Variants in ORAI2 observed in about 807,000 individuals in gnomAD.
ORAI2 encodes protein orai-2.
In ORAI2, 10 loss-of-function variants were observed where a neutral mutation model predicts 16.2. The ratio of observed to expected loss-of-function variants is 0.62; its 90% CI spans 0.38 to 1.04. The LOEUF is 1.04. Among genes scored for constraint, ORAI2 ranks in the 50% least tolerant of loss-of-function variants. ORAI2 has a pLI of 0.01. For missense variants in ORAI2, 238 were observed against 355.5 expected (o/e 0.67, Z 2.66); for synonymous variants, 150 against 157.5 (o/e 0.95, Z 0.35).
chr7:102,436,330 C>A lies in ORAI2; in HGVS notation c.-17C>A. The A allele has an allele frequency of 1.0e-6, 1 of 985,484 alleles. No homozygotes were observed. Among genetic ancestry groups the A allele is most frequent in the Non-Finnish European group, 1.2e-6 (1 of 829,954 alleles). 61.0% of individuals were successfully genotyped at this position (985,484 alleles called of 1,614,324 possible). ...CCTGAGTTGGCATTCGTATAAATGA[C>A]CTGGTAATTGGCATCCCCTGGCAGA... On this transcript the variant is annotated 5_prime_UTR_variant, in exon 2 of 4. Transcript: ENST00000495936.
At position 102,454,204 on chromosome 7, in the gene ORAI2, G is replaced by C. The variant is rs1226217581; in HGVS notation, c.*7152G>C. The stretch of plus-strand genomic sequence containing the variant: ...GAGCCAAGGAGTTCGAGACCAGCCT[G>C]GGCAACATTACGAGACCCTGTCTCT... On this transcript the variant is annotated 3_prime_UTR_variant, in exon 4 of 4. Transcript: ENST00000495936. 6.6e-6 allele frequency: 1 copy of C among 152,168 alleles called. No individual in the cohort carries two copies. Among genetic ancestry groups the C allele is most frequent in the Admixed American group, 6.6e-5 (1 of 15,262 alleles). The allele number at this position is 152,168 out of a possible 1,614,324, so 9.4% of individuals were successfully genotyped here.
At position 102,456,756 on chromosome 7, in the gene ORAI2, G is replaced by A. The variant is rs1797659802; in HGVS notation, c.*9704G>A. On this transcript the variant is annotated 3_prime_UTR_variant, in exon 4 of 4. Coordinates refer to ENST00000495936, the MANE Select transcript of ORAI2 (RefSeq NM_001126340.3). ...AATCCAACACATTCCCCAAATGAAGGGACTGGACAGTGAGATATCGGGAAA... is the reference window on the plus strand; with the variant it reads ...AATCCAACACATTCCCCAAATGAAGAGACTGGACAGTGAGATATCGGGAAA... The A allele has an allele frequency of 6.6e-6, 1 of 152,114 alleles. No individual in the cohort carries two copies. Among genetic ancestry groups the A allele is most frequent in the South Asian group, 2.1e-4 (1 of 4,828 alleles). The allele number at this position is 152,114 out of a possible 1,614,324, so 9.4% of individuals were successfully genotyped here.
rs1797644778 is a variant in ORAI2, at chr7:102,456,331, T to C, written c.*9279T>C. The C allele has an allele frequency of 6.5e-6, 1 of 152,732 alleles. No homozygotes were observed. The highest frequency in any genetic ancestry group is 2.4e-5 in the African/African-American group (1 of 41,404). 9.5% of individuals were successfully genotyped at this position (152,732 alleles called of 1,614,324 possible). A position where few individuals can be genotyped will look rare whatever the true frequency, so the allele number is the denominator to read the frequency against. On this transcript the variant is annotated 3_prime_UTR_variant, in exon 4 of 4. Coordinates refer to ENST00000495936, the MANE Select transcript of ORAI2 (RefSeq NM_001126340.3). ...TATGATCATGAGCTCACTGCAGCCT[T>C]GACATGGTGGTAAAGCCATCCTCCC...
At chr7:102,439,246 A>T (rs1324210424) in intron 3 of ORAI2, 65 bp downstream of exon 3, 1 of 1,392,956 alleles carries the variant, frequency 7.2e-7, no homozygotes, top group East Asian at 2.4e-5. Flanking sequence ...AGGTCCCGGG[A>T]TGCCTCAGGG....
rs1772129874 is a variant in ORAI2 at position 102,456,547 on chromosome 7, T to G, written c.*9495T>G. 6.6e-6 allele frequency: 1 copy of G among 152,072 alleles called. No individual in the cohort carries two copies. Among genetic ancestry groups the G allele is most frequent in the South Asian group, 2.1e-4 (1 of 4,816 alleles). The allele number at this position is 152,072 out of a possible 1,614,324, so 9.4% of individuals were successfully genotyped here. A position where few individuals can be genotyped will look rare whatever the true frequency, so the allele number is the denominator to read the frequency against. On this transcript the variant is annotated 3_prime_UTR_variant, in exon 4 of 4. Transcript: ENST00000495936. The stretch of plus-strand genomic sequence containing the variant: ...GAGTCACCGCGCCTGGCCGGGAGCT[T>G]TAATTTTTCCTACTTGTTAACAGCG...
intron 3 of ORAI2, 112 bp downstream of exon 3, chr7:102,439,293 G>GCTTCCTACTGGTCCATCCT: frequency 1.2e-6 from 1 of 863,002 alleles, no homozygotes; most frequent in Non-Finnish European, 1.8e-6. Flanking sequence ...CAGCCAGGAT[G>GCTTCCTACTGGTCCATCCT]GACCAGTAGG....
chr7:102,449,095 G>A lies in ORAI2; in HGVS notation c.*2043G>A, dbSNP rs1385483557. On this transcript the variant is annotated 3_prime_UTR_variant, in exon 4 of 4. Transcript: ENST00000495936. ...GGGGAGTCACACCAAGGGTCCCCAC[G>A]AGAAAGTTGTGGCATCCCCGGGGGC... 2 of 152,172 alleles carry A rather than the reference G, an allele frequency of 1.3e-5. No individual in the cohort carries two copies. The highest frequency in any genetic ancestry group is 2.9e-5 in the Non-Finnish European group (2 of 68,036). 9.4% of individuals were successfully genotyped at this position (152,172 alleles called of 1,614,324 possible). A position where few individuals can be genotyped will look rare whatever the true frequency, so the allele number is the denominator to read the frequency against.
At chr7:102,442,641 C>T (rs116530044) in intron 3 of ORAI2, among the ~76,000 whole-genome samples, 3 of 149,544 alleles carry the variant, frequency 2.0e-5, no homozygotes, top group Admixed American at 2.0e-4. Flanking sequence ...GAGCCAAGAT[C>T]GCTCTACTGC....
chr7:102,443,131 C>CTTCT (rs1222395216), intron 3 of ORAI2, among the ~76,000 whole-genome samples: 1 of 25,650 alleles, frequency 3.9e-5, no homozygotes, highest in Non-Finnish European at 1.4e-4. Context: ...TCTTCTTCTT[C>CTTCT]TTTTTTTTTT....
intron 3 of ORAI2, among the ~76,000 whole-genome samples, chr7:102,443,499 T>C (rs547568868): frequency 6.6e-6 from 1 of 152,096 alleles, no homozygotes; most frequent in African/African-American, 2.4e-5. Flanking sequence ...TCATCTTTAT[T>C]TCCTGTCTTG....
At chr7:102,434,832 C>G (rs914202026) in intron 1 of ORAI2, 1 of 152,332 alleles carries the variant, frequency 6.6e-6, no homozygotes, top group Non-Finnish European at 1.5e-5. Flanking sequence ...CCCTCCACCC[C>G]CCAGGTGGCA....
intron 3 of ORAI2, among the ~76,000 whole-genome samples, chr7:102,445,514 A>G (rs1755880308): frequency 6.6e-6 from 1 of 151,878 alleles, no homozygotes; most frequent in Non-Finnish European, 1.5e-5. Context: ...TAGTGGTGTG[A>G]TCATAGCTCA....
At chr7:102,435,172 G>T (rs1797029948) in intron 1 of ORAI2, among the ~76,000 whole-genome samples, 1 of 152,210 alleles carries the variant, frequency 6.6e-6, no homozygotes, top group South Asian at 2.1e-4. Context: ...TCGGGTGGTT[G>T]AGGCGGGAGG....
intron 1 of ORAI2, among the ~76,000 whole-genome samples, chr7:102,434,056 G>C (rs1182107851): frequency 1.5e-5 from 2 of 136,356 alleles, no homozygotes; most frequent in Non-Finnish European, 3.1e-5. Flanking sequence ...AGGAAGAAAA[G>C]CTCATCTCTA....
At chr7:102,443,971 T>G (rs1797280093) in intron 3 of ORAI2, among the ~76,000 whole-genome samples, 1 of 151,862 alleles carries the variant, frequency 6.6e-6, no homozygotes, top group South Asian at 2.1e-4. Context: ...CCTCCCAAAG[T>G]GCTGGGATTA....
At chr7:102,440,015 G>A (rs62483801) in intron 3 of ORAI2, among the ~76,000 whole-genome samples, 127 of 152,276 alleles carry the variant, frequency 8.3e-4, no homozygotes, top group Non-Finnish European at 1.4e-3. Context: ...CTGGGAGGCC[G>A]GAGGTTGCAG....
rs1332946682 is a variant in ORAI2 at position 102,433,876 on chromosome 7, G to C, written c.-123+215G>C. On this transcript the variant is annotated intron_variant, in intron 1 of 3. Transcript: ENST00000495936. The surrounding 1 kb of genome is among the most constrained non-coding windows in gnomAD (Gnocchi z 4.6). ...AGGGTCGGCGGCGCAGCCGGTTCCG[G>C]ACACCGGGGCGTCCCTGGGGGAGGG... 3.9e-5 allele frequency among the ~76,000 whole-genome samples: 6 copies of C among 151,964 alleles called. No homozygotes were observed. Among genetic ancestry groups the C allele is most frequent in the Non-Finnish European group, 7.4e-5 (5 of 67,948 alleles).
intron 3 of ORAI2, among the ~76,000 whole-genome samples, chr7:102,440,802 A>AT (rs1404354498): frequency 2.6e-5 from 4 of 151,706 alleles, no homozygotes; most frequent in Non-Finnish European, 5.9e-5. Context: ...CTCTCAAGTG[A>AT]TTTTCCCACC....
intron 2 of ORAI2, among the ~76,000 whole-genome samples, chr7:102,437,060 A>G (rs903718294): frequency 3.1e-4 from 47 of 152,326 alleles, no homozygotes; most frequent in African/African-American, 8.2e-4. Context: ...GCGACCGCCA[A>G]TCCCCTACTT....
Sources: gnomAD v4.1 joint callset for allele counts (sites outside exome capture counted in the v4.1 genomes callset) on GRCh38, gnomAD v4.1.1 for gene constraint, Gnocchi (gnomAD v3.1) non-coding constraint, MANE v1.5 for transcripts, NCBI Gene and HGNC (gene_info 2026-07-23, HGNC 2026-07-21) for gene names.